The following ZNF227 variants were observed in gnomAD, a reference collection of about 807,000 sequenced individuals.
The protein encoded by ZNF227 is zinc finger protein 227.
Under a neutral mutation model 13.2 loss-of-function variants are expected in ZNF227, and 12 were observed. The ratio of observed to expected loss-of-function variants is 0.91; its 90% CI spans 0.58 to 1.47. The LOEUF is 1.47. ZNF227 is among the 40% of genes most tolerant of loss of function. The probability of loss-of-function intolerance (pLI) is 0.00; values close to 1 mark genes in which losing one functional copy is unlikely to be tolerated. For missense variants in ZNF227, 885 were observed against 967.5 expected (o/e 0.91, Z 1.13); for synonymous variants, 338 against 326.0 (o/e 1.04, Z -0.40).
upstream of ZNF227, among the ~76,000 whole-genome samples, chr19:44,211,238 C>CAA: frequency 7.5e-6 from 1 of 133,044 alleles, no homozygotes; most frequent in East Asian, 2.2e-4. Context: ...CAAAACAGAA[C>CAA]AAAAAAAAAA....
intron 4 of ZNF227, 104 bp downstream of exon 4, chr19:44,228,676 G>A: frequency 1.5e-6 from 2 of 1,299,384 alleles, no homozygotes; most frequent in Non-Finnish European, 2.0e-6. Flanking sequence ...CTTTGCTCTT[G>A]AAGACAAAAG....
In ZNF227 at chr19:44,231,142, G is replaced by A. The variant is rs73569942; in HGVS notation, c.271+1326G>A. On this transcript the variant is annotated intron_variant, in intron 5 of 5. Transcript: ENST00000313040. ...TTTTTTTTTTTTGAGACCGAGTCTT[G>A]CTTGCTCTGTCACCTAGGCTGGAAA... Among the ~76,000 whole-genome samples, 790 of 149,124 alleles carry A rather than the reference G, an allele frequency of 5.3e-3. 7 individuals carry two copies. The highest frequency in any genetic ancestry group is 0.019 in the African/African-American group (766 of 40,458).
rs1599760398 is a variant in ZNF227 at position 44,212,568 on chromosome 19, A to T, written c.-175A>T. 6.6e-6 allele frequency: 1 copy of T among 152,014 alleles called. No individual in the cohort carries two copies. Among genetic ancestry groups the T allele is most frequent in the East Asian group, 1.9e-4 (1 of 5,138 alleles). The allele number at this position is 152,014 out of a possible 1,614,324, so 9.4% of individuals were successfully genotyped here. On this transcript the variant is annotated 5_prime_UTR_variant, in exon 1 of 6. Transcript: ENST00000313040. ...CGCCCCGGAAAGCGAGGCCGCCACCATCTTTTGGGTCCGGGAGGTGAGTCA... is the reference window on the plus strand; with the variant it reads ...CGCCCCGGAAAGCGAGGCCGCCACCTTCTTTTGGGTCCGGGAGGTGAGTCA...
At chr19:44,229,873 T>A in intron 5 of ZNF227, 57 bp downstream of exon 5, 1 of 1,262,800 alleles carries the variant, frequency 7.9e-7, no homozygotes, top group Non-Finnish European at 1.1e-6. Context: ...TTAGTCTGCA[T>A]CTTACCATGT....
chr19:44,214,584 C>T (rs1176912445), intron 2 of ZNF227, among the ~76,000 whole-genome samples: 2 of 151,864 alleles, frequency 1.3e-5, no homozygotes, highest in Non-Finnish European at 2.9e-5. Context: ...CACCGTGTTA[C>T]CCAGGCTAAT....
In ZNF227 at chr19:44,235,002, G is replaced by C. The variant is rs1434376139; in HGVS notation, c.572G>C (p.Arg191Thr). 6.2e-7 allele frequency: 1 copy of C among 1,614,178 alleles called. No homozygotes were observed. ...CTGAGTGAGTCACAGATTCAGAGTAGAGGTAAGCAAATTGATGTGAAAAAT... is the reference window on the plus strand; with the variant it reads ...CTGAGTGAGTCACAGATTCAGAGTACAGGTAAGCAAATTGATGTGAAAAAT... ...TYLSESQIQS[R>T]GKQIDVKNNL... The change falls in exon 6 of 6, where the codon AGA (arginine) becomes ACA (threonine). Residue 191 changes from arginine (R) to threonine (T), a missense_variant. By Grantham distance (71) the Arg-to-Thr change is moderately conservative. Transcript: ENST00000313040.
At chr19:44,226,493 C>G (rs1187900578) in intron 3 of ZNF227, among the ~76,000 whole-genome samples, 2 of 152,220 alleles carry the variant, frequency 1.3e-5, no homozygotes, top group Non-Finnish European at 2.9e-5. Flanking sequence ...CGCCCTCCCC[C>G]AGCCTCGCTG....
chr19:44,235,966 T>C lies in ZNF227; in HGVS notation c.1536T>C (p.Asn512=). The C allele has an allele frequency of 6.2e-7, 1 of 1,612,486 alleles. No individual in the cohort carries two copies. The highest frequency in any genetic ancestry group is 1.3e-5 in the African/African-American group (1 of 74,432). ...SQASNLQVHQ[N]VHTGEKRFKC... is the part of the protein sequence containing the mutation. The stretch of plus-strand genomic sequence containing the variant: ...CTTCAAATCTTCAAGTCCATCAGAA[T>C]GTCCACACTGGGGAGAAACGATTCA... The change falls in exon 6 of 6, where the codon AAT becomes AAC. Residue 512 remains asparagine (N), a synonymous_variant. Transcript: ENST00000313040.
intron 3 of ZNF227, among the ~76,000 whole-genome samples, chr19:44,221,521 A>G (rs1972512486): frequency 6.6e-6 from 1 of 152,162 alleles, no homozygotes; most frequent in Admixed American, 6.5e-5. Flanking sequence ...AGTGATGGTG[A>G]GCATTTTTTC....
chr19:44,228,566 G>T lies in ZNF227; in HGVS notation c.181G>T (p.Ala61Ser). Reference sequence around the variant, plus strand: ...GGTGGAGAACTTCAAGAACCTGGTTGCAGTGGGTGAGGACAGGCACTCTCT... The same window carrying T: ...GGTGGAGAACTTCAAGAACCTGGTTTCAGTGGGTGAGGACAGGCACTCTCT... ...VMVENFKNLV[A>S]VGHLPFQPDM... The change falls in exon 4 of 6, where the codon GCA becomes TCA. Residue 61 changes from alanine to serine, a missense_variant. Ala to Ser is a moderately conservative substitution (Grantham distance 99). Transcript: ENST00000313040. 23 of 1,611,842 alleles carry T rather than the reference G, an allele frequency of 1.4e-5. No individual in the cohort carries two copies. The highest frequency in any genetic ancestry group is 2.0e-5 in the Non-Finnish European group (23 of 1,179,326).
At position 44,235,238 on chromosome 19, in the gene ZNF227, A is replaced by G; in HGVS notation, c.808A>G (p.Asn270Asp). ...SYSPRLPLHP[N>D]VHTGEKCFSQ... is the part of the protein sequence containing the mutation. ...TAGCCCAAGGCTTCCCCTTCATCCG[A>G]ATGTTCATACAGGAGAAAAATGCTT... The change falls in exon 6 of 6, where the codon AAT becomes GAT. Residue 270 changes from asparagine to aspartate, a missense_variant. By Grantham distance (23) the Asn-to-Asp change is conservative (BLOSUM62 1). Coordinates refer to ENST00000313040, the MANE Select transcript of ZNF227 (RefSeq NM_182490.3). The G allele has an allele frequency of 6.2e-7, 1 of 1,614,138 alleles. No homozygotes were observed.
At chr19:44,214,979 T>C (rs981231934) in intron 2 of ZNF227, among the ~76,000 whole-genome samples, 5 of 151,934 alleles carry the variant, frequency 3.3e-5, no homozygotes, top group African/African-American at 9.7e-5. Flanking sequence ...GGACTGCACA[T>C]GTGAAGGATC....
At position 44,236,181 on chromosome 19, in the gene ZNF227, G is replaced by A. The variant is rs148430555; in HGVS notation, c.1751G>A (p.Gly584Asp). The A allele has an allele frequency of 8.7e-6, 14 of 1,613,932 alleles. No individual in the cohort carries two copies. The highest frequency in any genetic ancestry group is 1.2e-5 in the Non-Finnish European group (14 of 1,180,014). The change falls in exon 6 of 6, where the codon GGC (glycine) becomes GAC (aspartate). Residue 584 changes from glycine (G) to aspartate (D), a missense_variant. Gly to Asp is a moderately conservative substitution (Grantham distance 94, BLOSUM62 -1). Transcript: ENST00000313040. ...KPYKCEECGK[G>D]FSWRSNLHAH... ...TATAAATGTGAGGAATGTGGGAAGG[G>A]CTTCAGTTGGAGATCAAATCTTCAT...
chr19:44,213,585 G>A (rs936850806), intron 2 of ZNF227: 27 of 152,316 alleles, frequency 1.8e-4, no homozygotes, highest in African/African-American at 6.3e-4. Context: ...TTTTCAGACT[G>A]TGTGATCTTT....
At chr19:44,228,374 CCTT>C (rs1973407516) in intron 3 of ZNF227, 69 bp from the exon 4 acceptor site, 1 of 1,540,388 alleles carries the variant, frequency 6.5e-7, no homozygotes, top group Non-Finnish European at 8.7e-7. Flanking sequence ...GTGCTCTTTT[CCTT>C]CTTGATGCCA....
chr19:44,223,151 C>G (rs1972731027), intron 3 of ZNF227, among the ~76,000 whole-genome samples: 1 of 152,106 alleles, frequency 6.6e-6, no homozygotes, highest in South Asian at 2.1e-4. Context: ...TGATGTGCTG[C>G]TGGATTTGGT....
chr19:44,212,345 C>T (rs531224927), upstream of ZNF227, among the ~76,000 whole-genome samples: 56 of 150,954 alleles, frequency 3.7e-4, no homozygotes, highest in African/African-American at 1.3e-3. Context: ...TCTCCGTAAC[C>T]CTCTCTCACT....
intron 3 of ZNF227, among the ~76,000 whole-genome samples, chr19:44,222,025 T>G (rs1340064301): frequency 6.6e-6 from 1 of 152,222 alleles, no homozygotes; most frequent in East Asian, 1.9e-4. Flanking sequence ...AGGGAATCCT[T>G]TCCCCATTGC....
chr19:44,227,616 A>G (rs555749317), intron 3 of ZNF227, among the ~76,000 whole-genome samples: 71 of 152,322 alleles, frequency 4.7e-4, no homozygotes, highest in African/African-American at 7.5e-4. Context: ...CAGTGGCACA[A>G]TCATGGCTCA....
Sources: allele counts gnomAD v4.1 joint callset (sites outside exome capture counted in the v4.1 genomes callset), GRCh38; gene constraint gnomAD v4.1.1; transcripts MANE v1.5; gene names NCBI Gene and HGNC (gene_info 2026-07-23, HGNC 2026-07-21).